STYXL2: variants seen among roughly 807,000 people sequenced by gnomAD.
STYXL2 encodes the protein serine/threonine/tyrosine interacting like 2, also known as serine/threonine/tyrosine-interacting-like protein 2.
In STYXL2, 44 loss-of-function variants were observed where a neutral mutation model predicts 52.4. The observed-to-expected ratio is 0.84, with a 90% CI of 0.66 to 1.08. The LOEUF (loss-of-function observed/expected upper bound fraction) is 1.08, where lower values mean the gene tolerates loss of function less well. Ranked by LOEUF, STYXL2 falls within the 50% of genes least tolerant of loss-of-function variation. The pLI, the probability that STYXL2 is intolerant of heterozygous loss-of-function variation, is 0.00. For synonymous variants in STYXL2, 604 were observed against 586.9 expected, an observed-to-expected ratio of 1.03 and a Z score of -0.42; for missense variants, 1,604 against 1,471.7, an observed-to-expected ratio of 1.09 and a Z score of -1.47.
At chr1:167,095,848 T>G (rs1268543226) in intron 2 of STYXL2, among the ~76,000 whole-genome samples, 1 of 152,146 alleles carries the variant, frequency 6.6e-6, no homozygotes, top group Non-Finnish European at 1.5e-5. Flanking sequence ...TCTGCTTGAT[T>G]TCACTTTTCT....
At chr1:167,122,584 A>C (rs761394251) in intron 5 of STYXL2, among the ~76,000 whole-genome samples, 7 of 152,076 alleles carry the variant, frequency 4.6e-5, no homozygotes, top group Admixed American at 1.3e-4. Context: ...ATAAAGACAT[A>C]CTGAGAGTGT....
Position 167,128,787 on chromosome 1 carries a change from A to G in STYXL2, c.*179A>G, listed in dbSNP as rs1183335759. ...GAGGTGGAGTAGGGAGGAGGCAAGG[A>G]GGGGGAGAACCATCAATACGAATAC... On this transcript the variant is annotated 3_prime_UTR_variant, in exon 6 of 6. Transcript: ENST00000361200. The G allele has an allele frequency of 2.0e-6, 2 of 1,014,548 alleles. No homozygotes were observed. Among genetic ancestry groups the G allele is most frequent in the South Asian group, 1.8e-5 (1 of 55,898 alleles). The allele number at this position is 1,014,548 out of a possible 1,614,324, so 62.8% of individuals were successfully genotyped here.
intron 3 of STYXL2, among the ~76,000 whole-genome samples, chr1:167,114,658 T>G (rs1571340606): frequency 6.6e-6 from 1 of 152,350 alleles, no homozygotes; most frequent in South Asian, 2.1e-4. Context: ...TTGGACCTCT[T>G]GCACACTTCA....
chr1:167,115,121 G>A lies in STYXL2; in HGVS notation c.205+1317G>A, dbSNP rs1037397723. ...GTCTATAGAATGCTATGGACATTCA[G>A]TCTAGTTTGAAGCCAAAAGATGTGC... is the stretch of plus-strand genomic sequence containing the variant. On this transcript the variant is annotated intron_variant, in intron 3 of 5. Coordinates refer to ENST00000361200, the MANE Select transcript of STYXL2 (RefSeq NM_001080426.3). 2.1e-4 allele frequency among the ~76,000 whole-genome samples: 32 copies of A among 152,310 alleles called. 2 individuals are homozygous for A. The highest frequency in any genetic ancestry group is 5.3e-4 in the African/African-American group (22 of 41,550).
intron 4 of STYXL2, 83 bp downstream of exon 4, chr1:167,117,642 C>A: frequency 2.3e-6 from 3 of 1,291,646 alleles, no homozygotes; most frequent in Non-Finnish European, 3.2e-6. Context: ...CAACTTTCAC[C>A]AAAGGCGCCC....
At chr1:167,117,940 C>T (rs1049852292) in intron 4 of STYXL2, among the ~76,000 whole-genome samples, 1 of 152,204 alleles carries the variant, frequency 6.6e-6, no homozygotes, top group African/African-American at 2.4e-5. Flanking sequence ...TAATTACCAA[C>T]ATTGGAAAAT....
chr1:167,111,466 G>GTA (rs1667613973), intron 2 of STYXL2, among the ~76,000 whole-genome samples: 2 of 78,522 alleles, frequency 2.5e-5, no homozygotes, highest in South Asian at 8.7e-4. Context: ...GGAAAATATG[G>GTA]TACATATATA....
chr1:167,108,315 G>A (rs1048730792), intron 2 of STYXL2, among the ~76,000 whole-genome samples: 43 of 152,104 alleles, frequency 2.8e-4, no homozygotes, highest in African/African-American at 8.9e-4. Context: ...TACCTTTATA[G>A]AGCTCACTGC....
At chr1:167,112,052 T>C (rs762659368) in intron 2 of STYXL2, among the ~76,000 whole-genome samples, 1 of 152,130 alleles carries the variant, frequency 6.6e-6, no homozygotes, top group African/African-American at 2.4e-5. Context: ...ACTCAGGATA[T>C]GGCCAGACCC....
intron 5 of STYXL2, among the ~76,000 whole-genome samples, chr1:167,122,272 G>C (rs1488755099): frequency 6.6e-6 from 1 of 152,052 alleles, no homozygotes; most frequent in Non-Finnish European, 1.5e-5. Context: ...CTGGCACGCC[G>C]GGCAGGCCTG....
chr1:167,113,133 C>T (rs1282025108), intron 2 of STYXL2, among the ~76,000 whole-genome samples: 12 of 108,406 alleles, frequency 1.1e-4, no homozygotes, highest in African/African-American at 4.7e-4. Context: ...ACCTGACTCT[C>T]GATTTCATGT....
At chr1:167,124,064 C>T (rs1047962055) in intron 5 of STYXL2, among the ~76,000 whole-genome samples, 4 of 152,072 alleles carry the variant, frequency 2.6e-5, no homozygotes, top group African/African-American at 9.7e-5. Context: ...ACTACAGGCG[C>T]TTGCCATGGT....
chr1:167,111,101 G>C (rs770967085), intron 2 of STYXL2, among the ~76,000 whole-genome samples: 3 of 152,064 alleles, frequency 2.0e-5, no homozygotes, highest in Non-Finnish European at 2.9e-5. Context: ...AAGAAATTTA[G>C]AATTATGTTA....
In STYXL2 at chr1:167,113,799, A is replaced by G. The variant is rs781035997; in HGVS notation, c.200A>G (p.Asn67Ser). 4.3e-6 allele frequency: 7 copies of G among 1,612,842 alleles called. No individual in the cohort carries two copies. Among genetic ancestry groups the G allele is most frequent in the East Asian group, 2.2e-5 (1 of 44,884 alleles). ...GCCATTGCAGCCAAACAGATCATCA[A>G]TGAAGGTAATGCAATCAAAAGCTGG... ...SSAIAAKQII[N>S]EELKPPGVRA... is the part of the protein sequence containing the mutation. The change falls in exon 3 of 6, where the codon AAT (asparagine) becomes AGT (serine). Residue 67 changes from asparagine (N) to serine (S), a missense_variant. By Grantham distance (46) the Asn-to-Ser change is conservative. Transcript: ENST00000361200.
chr1:167,103,441 A>T (rs1667442294), intron 2 of STYXL2, among the ~76,000 whole-genome samples: 1 of 152,144 alleles, frequency 6.6e-6, no homozygotes, highest in Non-Finnish European at 1.5e-5. Context: ...CAGCCAGCCA[A>T]AATTAGCAGG....
chr1:167,106,929 G>A (rs551945282), intron 2 of STYXL2, among the ~76,000 whole-genome samples: 2 of 152,284 alleles, frequency 1.3e-5, no homozygotes, highest in South Asian at 4.1e-4. Flanking sequence ...ATCTATTGGT[G>A]CTTAACAAAT....
At position 167,127,222 on chromosome 1, in the gene STYXL2, G is replaced by A. The variant is rs1425196511; in HGVS notation, c.2091G>A (p.Gly697=). The A allele has an allele frequency of 6.2e-7, 1 of 1,614,164 alleles. No individual in the cohort carries two copies. The highest frequency in any genetic ancestry group is 1.3e-5 in the African/African-American group (1 of 75,050). The part of the protein sequence containing the change: ...HLSQAASNIA[G]CSTSNPTTPL... ...CTCAGGCTGCAAGCAACATAGCGGG[G>A]TGTTCAACCTCCAACCCCACCACAC... The change falls in exon 6 of 6, where the codon GGG becomes GGA. Residue 697 remains glycine (G), a synonymous_variant. Coordinates refer to ENST00000361200, the MANE Select transcript of STYXL2 (RefSeq NM_001080426.3).
At chr1:167,100,310 A>G (rs994956478) in intron 2 of STYXL2, among the ~76,000 whole-genome samples, 8 of 152,184 alleles carry the variant, frequency 5.3e-5, no homozygotes, top group African/African-American at 1.7e-4. Flanking sequence ...ATGCCACCCC[A>G]TTGGAGACCA....
intron 2 of STYXL2, among the ~76,000 whole-genome samples, chr1:167,103,094 T>C (rs1476478900): frequency 6.6e-6 from 1 of 152,222 alleles, no homozygotes; most frequent in Non-Finnish European, 1.5e-5. Context: ...CGGGCGTTTC[T>C]TGCATTGTGG....
Sources: gnomAD v4.1 joint callset for allele counts (sites outside exome capture counted in the v4.1 genomes callset) on GRCh38, gnomAD v4.1.1 for gene constraint, MANE v1.5 for transcripts, NCBI Gene and HGNC (gene_info 2026-07-23, HGNC 2026-07-21) for gene names.